DPM1: variants seen among roughly 807,000 people sequenced by gnomAD.
DPM1 encodes the protein dolichyl-phosphate mannosyltransferase subunit 1, catalytic, also known as dolichol-phosphate mannosyltransferase subunit 1.
A neutral mutation model predicts 39.0 loss-of-function variants in DPM1; 27 were observed. The ratio of observed to expected loss-of-function variants is 0.69; its 90% confidence interval spans 0.51 to 0.95. The LOEUF (loss-of-function observed/expected upper bound fraction) is 0.95. Among genes scored for constraint, DPM1 ranks in the 40% least tolerant of loss-of-function variants. DPM1 has a pLI of 0.00. For missense variants in DPM1, 307 were observed against 315.6 expected (o/e 0.97, Z 0.21); for synonymous variants, 124 against 109.0 (o/e 1.14, Z -0.86).
chr20:50,955,208 T>C lies in DPM1; in HGVS notation c.239A>G (p.Lys80Arg). ...TACAATTCTGTCTGACCCATAGATC[T>C]TCTCCAACTGTTCAGCAACATCCCT... ...GTRDVAEQLE[K>R]IYGSDRILLR... Residue 80 changes from lysine to arginine, a missense_variant, in exon 2 of 9, where the codon AAG (lysine) becomes AGG (arginine). Physicochemically the swap from Lys to Arg is conservative, Grantham distance 26 (BLOSUM62 2). This residue lies in a region of DPM1 where 206 missense variants were observed against 188.2 expected (regional missense o/e 1.09). Coordinates refer to ENST00000371588, the MANE Select transcript of DPM1 (RefSeq NM_003859.3). The C allele has an allele frequency of 1.1e-5, 18 of 1,612,834 alleles. No individual in the cohort carries two copies. Among genetic ancestry groups the C allele is most frequent in the Non-Finnish European group, 1.5e-5 (18 of 1,179,504 alleles).
At chr20:50,951,111 A>G (rs545075368) in intron 2 of DPM1, among the ~76,000 whole-genome samples, 4 of 152,388 alleles carry the variant, frequency 2.6e-5, no homozygotes, top group African/African-American at 7.2e-5. Context: ...ATATTGTAAT[A>G]AAAGTTATGT....
intron 1 of DPM1, 121 bp downstream of exon 1, chr20:50,958,242 G>T: frequency 1.5e-6 from 2 of 1,338,820 alleles, no homozygotes; most frequent in South Asian, 1.2e-5. Flanking sequence ...CCCTCTCCCC[G>T]GGCCTTCCTG....
chr20:50,949,480 T>C (rs1323506151), intron 2 of DPM1, among the ~76,000 whole-genome samples: 1 of 152,216 alleles, frequency 6.6e-6, no homozygotes, highest in Non-Finnish European at 1.5e-5. Context: ...ATTAAATTCT[T>C]TCTCTTTTCT....
In DPM1 at chr20:50,945,971, C is replaced by A. The variant is rs754643182; in HGVS notation, c.296-48G>T. 3.3e-6 allele frequency: 5 copies of A among 1,505,512 alleles called. No individual in the cohort carries two copies. In the Admixed American group the frequency reaches 8.4e-5, roughly 25 times the overall value. The allele number at this position is 1,505,512 out of a possible 1,614,324, so 93.3% of individuals were successfully genotyped here. A position where few individuals can be genotyped will look rare whatever the true frequency, so the allele number is the denominator to read the frequency against. Reference sequence around the variant, plus strand: ...TCAAGAAAATCAACAGAAATCTTTACATATACATTTGAACATCAAGGAAAT... The same window carrying A: ...TCAAGAAAATCAACAGAAATCTTTAAATATACATTTGAACATCAAGGAAAT... On this transcript the variant is annotated intron_variant, in intron 3 of 8. Coordinates refer to ENST00000371588, the MANE Select transcript of DPM1 (RefSeq NM_003859.3).
intron 2 of DPM1, among the ~76,000 whole-genome samples, chr20:50,953,678 C>T (rs1000796625): frequency 6.6e-6 from 1 of 151,914 alleles, no homozygotes; most frequent in Non-Finnish European, 1.5e-5. Context: ...CAATGTTGTT[C>T]CAAAATTTGA....
intron 1 of DPM1, among the ~76,000 whole-genome samples, chr20:50,956,125 A>G (rs1986810902): frequency 6.6e-6 from 1 of 152,202 alleles, no homozygotes; most frequent in Non-Finnish European, 1.5e-5. Flanking sequence ...TCACATTATC[A>G]AATTAAAAAA....
chr20:50,941,604 A>G (rs2123095550), intron 6 of DPM1, among the ~76,000 whole-genome samples: 1 of 151,898 alleles, frequency 6.6e-6, no homozygotes, highest in East Asian at 1.9e-4. Context: ...GCTACTCGGG[A>G]GGCTGAGACA....
At chr20:50,956,972 C>T (rs897998998) in intron 1 of DPM1, among the ~76,000 whole-genome samples, 2 of 151,478 alleles carry the variant, frequency 1.3e-5, no homozygotes. Flanking sequence ...GATTCACAAA[C>T]CATTAAAAGG....
At chr20:50,955,136 C>A (rs1344643863) in intron 2 of DPM1, 50 bp downstream of exon 2, 2 of 1,318,126 alleles carry the variant, frequency 1.5e-6, no homozygotes, top group Admixed American at 1.7e-5. Context: ...TCTCATCTTT[C>A]CCCTACATAA....
intron 1 of DPM1, among the ~76,000 whole-genome samples, chr20:50,957,641 C>G (rs1405093565): frequency 1.3e-5 from 2 of 152,162 alleles, no homozygotes; most frequent in African/African-American, 4.8e-5. Flanking sequence ...GGAATGTTAC[C>G]TAACTTCCAA....
chr20:50,941,059 T>TAA, intron 6 of DPM1, 126 bp from the exon 7 acceptor site: 1 of 1,058,750 alleles, frequency 9.4e-7, no homozygotes, highest in Non-Finnish European at 1.4e-6. Flanking sequence ...ATAAAAATGT[T>TAA]ATTTATCTAG....
At chr20:50,947,333 T>C (rs1337430523) in intron 3 of DPM1, among the ~76,000 whole-genome samples, 1 of 152,182 alleles carries the variant, frequency 6.6e-6, no homozygotes, top group Non-Finnish European at 1.5e-5. Context: ...ATTGTGCCAC[T>C]GCACTCCAGC....
At chr20:50,958,259 G>A (rs1986942049) in intron 1 of DPM1, 104 bp downstream of exon 1, 4 of 1,477,908 alleles carry the variant, frequency 2.7e-6, no homozygotes, top group Admixed American at 3.8e-5. Flanking sequence ...CCTGTGTGAG[G>A]CAAAGAAGGC....
chr20:50,944,635 T>C (rs1029989545), intron 5 of DPM1: 3 of 152,224 alleles, frequency 2.0e-5, no homozygotes, highest in Non-Finnish European at 4.4e-5. Flanking sequence ...TAGATGTTAG[T>C]GGGAACTCCC....
At chr20:50,949,924 C>A (rs1310546548) in intron 2 of DPM1, among the ~76,000 whole-genome samples, 1 of 152,134 alleles carries the variant, frequency 6.6e-6, no homozygotes, top group African/African-American at 2.4e-5. Context: ...TTCAGTCACT[C>A]CAGGTCTTTG....
chr20:50,942,070 C>A lies in DPM1; in HGVS notation c.455G>T (p.Gly152Val), dbSNP rs587777116. ...TTTCAAATCCCAGCCATATACACCT[C>A]CATTTCCTTTGTAGCGAGTTCCAGA... ...IVSGTRYKGN[G>V]GVYGWDLKRK... Residue 152 changes from glycine to valine, a missense_variant, in exon 6 of 9, where the codon GGA becomes GTA. Gly to Val is a moderately radical substitution (Grantham distance 109). This residue lies in a region of DPM1 where 206 missense variants were observed against 188.2 expected (regional missense o/e 1.09). Transcript: ENST00000371588. 3.7e-6 allele frequency: 6 copies of A among 1,614,140 alleles called. No individual in the cohort carries two copies. In the Admixed American group the frequency reaches 8.3e-5, roughly 22 times the overall value.
chr20:50,944,538 A>C (rs1010646431), intron 5 of DPM1: 3 of 152,298 alleles, frequency 2.0e-5, no homozygotes, highest in East Asian at 1.9e-4. Flanking sequence ...AAAAGGAAGG[A>C]GCACAAGGCA....
chr20:50,944,613 T>C (rs112520025), intron 5 of DPM1: 5 of 152,374 alleles, frequency 3.3e-5, no homozygotes, highest in African/African-American at 1.2e-4. Flanking sequence ...GGAAGGAACT[T>C]GGATTTTTCC....
rs192541029 is a variant in DPM1 at position 50,951,570 on chromosome 20, C to G, written c.262-2908G>C. Among the ~76,000 whole-genome samples the G allele has an allele frequency of 3.7e-4, 57 of 152,276 alleles. No individual in the cohort carries two copies. In the East Asian group the frequency reaches 0.01, roughly 27 times the overall value. On this transcript the variant is annotated intron_variant, in intron 2 of 8. Transcript: ENST00000371588. ...TTGCGGGGCTGAGGTGGGCAGATCA[C>G]CTGAGGTTAGGAGTTCAAGAAGAGC...
Sources: allele counts gnomAD v4.1 joint callset (sites outside exome capture counted in the v4.1 genomes callset), GRCh38; gene constraint gnomAD v4.1.1; regional missense constraint gnomAD v4.1.1; transcripts MANE v1.5; gene names NCBI Gene and HGNC (gene_info 2026-07-23, HGNC 2026-07-21).